CCSER1: variants seen among roughly 807,000 people sequenced by gnomAD.
CCSER1 encodes coiled-coil serine rich protein 1, also known as serine-rich coiled-coil domain-containing protein 1.
In CCSER1, 41 loss-of-function variants were observed where a neutral mutation model predicts 82.0. The observed-to-expected ratio is 0.50, with a 90% CI of 0.39 to 0.65. CCSER1 has a LOEUF of 0.65. Ranked by LOEUF, CCSER1 falls within the 30% of genes least tolerant of loss-of-function variation. The pLI is 0.00. For missense variants in CCSER1, 1,119 were observed against 1,064.2 expected, an observed-to-expected ratio of 1.05 and a Z score of -0.72; for synonymous variants, 414 against 383.9, an observed-to-expected ratio of 1.08 and a Z score of -0.92.
At chr4:90,469,918 G>A (rs1275232226) in intron 5 of CCSER1, among the ~76,000 whole-genome samples, 2 of 152,078 alleles carry the variant, frequency 1.3e-5, no homozygotes, top group Non-Finnish European at 2.9e-5. Context: ...TATTAGTTGA[G>A]CATCCTAAAT....
intron 1 of CCSER1, among the ~76,000 whole-genome samples, chr4:90,241,138 C>T (rs948868221): frequency 4.6e-5 from 7 of 152,130 alleles, no homozygotes; most frequent in Admixed American, 1.3e-4. Flanking sequence ...AAGGAGCATG[C>T]GAGTGCATAG....
intron 5 of CCSER1, among the ~76,000 whole-genome samples, chr4:90,553,964 A>T (rs1317725106): frequency 1.3e-5 from 2 of 152,222 alleles, no homozygotes; most frequent in African/African-American, 4.8e-5. Context: ...AGAACTCTAG[A>T]CGTACTAGGT....
intron 8 of CCSER1, among the ~76,000 whole-genome samples, chr4:90,872,563 A>C (rs930819326): frequency 6.6e-6 from 1 of 151,910 alleles, no homozygotes; most frequent in Non-Finnish European, 1.5e-5. Context: ...ATATCTTGCT[A>C]TACTGCCTAT....
chr4:90,841,721 C>CT (rs1235983617), intron 8 of CCSER1, among the ~76,000 whole-genome samples: 2 of 152,110 alleles, frequency 1.3e-5, no homozygotes, highest in Admixed American at 6.5e-5. Context: ...ATTCTGTAGA[C>CT]TTTCAAAAGC....
chr4:91,170,213 A>G (rs1036947174), intron 10 of CCSER1, among the ~76,000 whole-genome samples: 2 of 152,220 alleles, frequency 1.3e-5, no homozygotes, highest in Non-Finnish European at 1.5e-5. Context: ...AAATACCTCT[A>G]TTATGTGTGA....
intron 10 of CCSER1, among the ~76,000 whole-genome samples, chr4:91,530,433 T>C (rs1760968783): frequency 6.6e-6 from 1 of 152,050 alleles, no homozygotes; most frequent in South Asian, 2.1e-4. Flanking sequence ...TGTTATATTA[T>C]CAAAAATAAC....
chr4:91,329,076 C>A (rs1746767907), intron 10 of CCSER1, among the ~76,000 whole-genome samples: 1 of 152,176 alleles, frequency 6.6e-6, no homozygotes, highest in African/African-American at 2.4e-5. Context: ...ATAAATTACC[C>A]AGTCTCAGTT....
chr4:90,531,859 A>G (rs1774576512), intron 5 of CCSER1, among the ~76,000 whole-genome samples: 1 of 152,192 alleles, frequency 6.6e-6, no homozygotes, highest in Non-Finnish European at 1.5e-5. Flanking sequence ...GGCACCAAAT[A>G]AGAAATGTCA....
At chr4:90,461,314 G>T (rs1024054975) in intron 4 of CCSER1, among the ~76,000 whole-genome samples, 1 of 117,032 alleles carries the variant, frequency 8.5e-6, no homozygotes, top group Non-Finnish European at 1.7e-5. Context: ...TGATCCGCCC[G>T]CCTCGGCCTC....
intron 7 of CCSER1, among the ~76,000 whole-genome samples, chr4:90,760,465 C>T (rs1750248893): frequency 6.6e-6 from 1 of 151,690 alleles, no homozygotes; most frequent in Admixed American, 6.6e-5. Flanking sequence ...AAATATTGTT[C>T]CTTATTAATA....
intron 10 of CCSER1, among the ~76,000 whole-genome samples, chr4:91,365,714 T>C (rs1432613221): frequency 6.6e-6 from 1 of 152,216 alleles, no homozygotes; most frequent in Non-Finnish European, 1.5e-5. Flanking sequence ...TAATTGTCAG[T>C]CACTTTGCAT....
At chr4:90,152,639 G>T (rs187621238) in intron 1 of CCSER1, among the ~76,000 whole-genome samples, 1 of 152,078 alleles carries the variant, frequency 6.6e-6, no homozygotes, top group Non-Finnish European at 1.5e-5. Context: ...AAAATGTAAC[G>T]TGTGTGTAGA....
At chr4:90,850,931 T>A (rs1763804873) in intron 8 of CCSER1, among the ~76,000 whole-genome samples, 1 of 152,132 alleles carries the variant, frequency 6.6e-6, no homozygotes, top group East Asian at 1.9e-4. Context: ...ATTGTCATAT[T>A]CCCCACATTT....
chr4:90,259,321 A>T (rs183666807), intron 1 of CCSER1, among the ~76,000 whole-genome samples: 174 of 152,168 alleles, frequency 1.1e-3, no homozygotes, highest in African/African-American at 4.1e-3. Context: ...TTGATTTTGT[A>T]ATGTGAGACT....
intron 1 of CCSER1, among the ~76,000 whole-genome samples, chr4:90,165,270 T>C (rs1730249227): frequency 1.3e-5 from 2 of 152,102 alleles, no homozygotes; most frequent in Non-Finnish European, 2.9e-5. Context: ...TAAATATTAC[T>C]AAAACTGTTC....
intron 7 of CCSER1, among the ~76,000 whole-genome samples, chr4:90,786,081 G>A (rs1754471837): frequency 6.6e-6 from 1 of 152,142 alleles, no homozygotes; most frequent in Admixed American, 6.6e-5. Flanking sequence ...TGGGGCTGAG[G>A]GGGATTCTTC....
chr4:90,359,202 G>T (rs1744864227), intron 3 of CCSER1, among the ~76,000 whole-genome samples: 1 of 152,198 alleles, frequency 6.6e-6, no homozygotes, highest in Admixed American at 6.5e-5. Context: ...CATCCAGAGA[G>T]ACTATTGTTA....
intron 8 of CCSER1, among the ~76,000 whole-genome samples, chr4:90,859,497 C>T (rs10022407): frequency 0.66 from 100,570 of 151,530 alleles, 33,976 homozygotes; most frequent in African/African-American, 0.77. Context: ...ATGTAATTAC[C>T]GGGCATGTAT....
intron 10 of CCSER1, among the ~76,000 whole-genome samples, chr4:91,535,027 C>T (rs554355127): frequency 6.6e-6 from 1 of 151,796 alleles, no homozygotes; most frequent in Admixed American, 6.6e-5. Context: ...AACTCTACTA[C>T]AGATAATTTT....
Sources: gnomAD v4.1 joint callset for allele counts (sites outside exome capture counted in the v4.1 genomes callset) on GRCh38, gnomAD v4.1.1 for gene constraint, MANE v1.5 for transcripts, NCBI Gene and HGNC (gene_info 2026-07-23, HGNC 2026-07-21) for gene names.